CPM: variants seen among roughly 807,000 people sequenced by gnomAD.
CPM encodes carboxypeptidase M.
Under a neutral mutation model 46.4 loss-of-function variants are expected in CPM, and 35 were observed. The ratio of observed to expected loss-of-function variants is 0.75; its 90% CI spans 0.58 to 1.00. The LOEUF is 1.00. Ranked by LOEUF, CPM falls within the 50% of genes least tolerant of loss-of-function variation. CPM has a pLI of 0.00. For synonymous variants in CPM, 195 were observed against 195.3 expected, an observed-to-expected ratio of 1.00 and a Z score of 0.01; for missense variants, 422 against 530.4, an observed-to-expected ratio of 0.80 and a Z score of 2.01.
chr12:68,962,174 T>C (rs1284718013), intron 1 of CPM, among the ~76,000 whole-genome samples: 1 of 139,684 alleles, frequency 7.2e-6, no homozygotes, highest in Non-Finnish European at 1.5e-5. Context: ...CACTCCAGCC[T>C]GGGCGACAGA....
chr12:68,859,209 GA>G, intron 7 of CPM, 138 bp from the exon 8 acceptor site: 1 of 440,410 alleles, frequency 2.3e-6, no homozygotes, highest in Non-Finnish European at 3.7e-6. Context: ...GTTAGAGAGG[GA>G]AAAAACTTAT....
rs1430608055 is a variant in CPM, at chr12:68,902,474, A to T, written c.161-16585T>A. 2.0e-5 allele frequency among the ~76,000 whole-genome samples: 3 copies of T among 152,264 alleles called. No individual in the cohort carries two copies. The East Asian group carries it at 5.8e-4, about 29-fold the overall frequency. On this transcript the variant is annotated intron_variant, in intron 2 of 8. Coordinates refer to ENST00000551568, the MANE Select transcript of CPM (RefSeq NM_198320.5). The stretch of plus-strand genomic sequence containing the variant: ...ACTAATTGAGGGGCATAATAAGGGG[A>T]TCTGCTTTAGAAATCTCTATTGGTT...
chr12:68,949,663 AT>A (rs1389968901), intron 1 of CPM, among the ~76,000 whole-genome samples: 1 of 152,164 alleles, frequency 6.6e-6, no homozygotes, highest in Non-Finnish European at 1.5e-5. Context: ...GCTATTATCA[AT>A]GGAGGTTGTG....
chr12:68,959,314 G>A (rs1889074991), intron 1 of CPM, among the ~76,000 whole-genome samples: 1 of 152,150 alleles, frequency 6.6e-6, no homozygotes, highest in African/African-American at 2.4e-5. Context: ...CCTAAATGAT[G>A]AGACTCAGAA....
At chr12:68,843,208 A>C (rs1189097377) in intron 5 of CPM, 2 of 224,532 alleles carry the variant, frequency 8.9e-6, no homozygotes, top group Admixed American at 1.1e-4. Flanking sequence ...AATTTGAAGG[A>C]ATAAGTTCTA....
At chr12:68,927,352 TA>T in intron 2 of CPM, among the ~76,000 whole-genome samples, 1 of 152,148 alleles carries the variant, frequency 6.6e-6, no homozygotes, top group East Asian at 1.9e-4. Context: ...TTTGGCTGCA[TA>T]AATGTCTTCT....
chr12:68,942,933 T>C (rs1186618993), intron 1 of CPM, among the ~76,000 whole-genome samples: 6 of 152,040 alleles, frequency 3.9e-5, no homozygotes, highest in African/African-American at 1.4e-4. Context: ...TCAGGAAAAA[T>C]CTAAACGTTT....
chr12:68,881,231 AG>A (rs1300240369), intron 3 of CPM, among the ~76,000 whole-genome samples: 1 of 152,228 alleles, frequency 6.6e-6, no homozygotes, highest in Non-Finnish European at 1.5e-5. Flanking sequence ...TTTAATTTCC[AG>A]TTTGAAGTAA....
At chr12:68,842,667 A>G (rs1241047191) in intron 5 of CPM, 4 of 209,186 alleles carry the variant, frequency 1.9e-5, no homozygotes, top group African/African-American at 9.2e-5. Flanking sequence ...GTAATTAATG[A>G]CATTCAAAAA....
intron 4 of CPM, among the ~76,000 whole-genome samples, chr12:68,870,835 C>T (rs962782541): frequency 6.6e-6 from 1 of 152,190 alleles, no homozygotes; most frequent in African/African-American, 2.4e-5. Flanking sequence ...AATTCCTGAC[C>T]TATGGAATCA....
chr12:68,920,028 G>A (rs774257254), intron 2 of CPM, among the ~76,000 whole-genome samples: 3 of 152,176 alleles, frequency 2.0e-5, no homozygotes, highest in Non-Finnish European at 4.4e-5. Context: ...TAATGAGTGA[G>A]TTCTCACGAG....
intron 2 of CPM, chr12:68,912,047 G>C (rs1887617376): frequency 1.3e-5 from 2 of 152,208 alleles, no homozygotes; most frequent in Middle Eastern, 3.4e-3. Context: ...CGCGCTTGTT[G>C]CCTAGGCTGG....
intron 2 of CPM, among the ~76,000 whole-genome samples, chr12:68,911,516 C>A (rs1457028032): frequency 6.6e-6 from 1 of 150,814 alleles, no homozygotes; most frequent in Non-Finnish European, 1.5e-5. Context: ...TGTGTAGATT[C>A]ATTGAGATAC....
At chr12:68,910,653 A>T (rs996391931) in intron 2 of CPM, among the ~76,000 whole-genome samples, 2 of 152,196 alleles carry the variant, frequency 1.3e-5, no homozygotes, top group Admixed American at 6.5e-5. Flanking sequence ...TTATTTTTTT[A>T]AAATATGGCA....
At chr12:68,847,338 C>CTGG (rs2136198052), downstream of CPM, 1 of 149,224 alleles carries the variant, frequency 6.7e-6, no homozygotes, top group South Asian at 2.1e-4. Context: ...GCCACTGCAT[C>CTGG]TGGTGAATTA....
intron 2 of CPM, among the ~76,000 whole-genome samples, chr12:68,894,941 A>C (rs1475543903): frequency 6.7e-6 from 1 of 150,196 alleles, no homozygotes; most frequent in Non-Finnish European, 1.5e-5. Context: ...AGGCATGAGA[A>C]TCACTTGAAC....
chr12:68,856,488 C>T lies in CPM; in HGVS notation c.1281G>A (p.Lys427=). The T allele has an allele frequency of 6.2e-7, 1 of 1,614,016 alleles. No individual in the cohort carries two copies. The highest frequency in any genetic ancestry group is 8.5e-7 in the Non-Finnish European group (1 of 1,179,896). ...RNLPDHSAAT[K]PSLFLFLVSL... ...TCACTAAAAATAAGAACAAACTAGGCTTTGTTGCAGCTGAGTGGTCTGGCA... is the reference window on the plus strand; with the variant it reads ...TCACTAAAAATAAGAACAAACTAGGTTTTGTTGCAGCTGAGTGGTCTGGCA... The change falls in exon 9 of 9, where the codon AAG becomes AAA. Residue 427 remains lysine, a synonymous_variant. Transcript: ENST00000551568.
intron 6 of CPM, among the ~76,000 whole-genome samples, chr12:68,868,242 T>C (rs1376944311): frequency 6.6e-6 from 1 of 152,134 alleles, no homozygotes; most frequent in Admixed American, 6.5e-5. Flanking sequence ...GGGCTGTATC[T>C]TGGACACCAG....
chr12:68,928,249 T>C (rs995792316), intron 2 of CPM, among the ~76,000 whole-genome samples: 1 of 152,126 alleles, frequency 6.6e-6, no homozygotes, highest in African/African-American at 2.4e-5. Flanking sequence ...TTGACAAACC[T>C]GAGAAAAACA....
Sources: allele counts gnomAD v4.1 joint callset (sites outside exome capture counted in the v4.1 genomes callset), GRCh38; gene constraint gnomAD v4.1.1; transcripts MANE v1.5; gene names NCBI Gene and HGNC (gene_info 2026-07-23, HGNC 2026-07-21).